Variants in CDH13 observed in about 807,000 individuals in gnomAD.
CDH13 encodes the protein cadherin 13.
In CDH13, 24 loss-of-function variants were observed where a neutral mutation model predicts 63.8. The ratio of observed to expected loss-of-function variants is 0.38; its 90% CI spans 0.27 to 0.53. The LOEUF (loss-of-function observed/expected upper bound fraction) is 0.53. CDH13 is among the 20% of genes least tolerant of loss of function. The pLI, the probability that CDH13 is intolerant of heterozygous loss-of-function variation, is 0.85. For missense variants in CDH13, 1,049 were observed against 903.1 expected (o/e 1.16, Z -2.07); for synonymous variants, 503 against 355.3 (o/e 1.42, Z -4.67).
chr16:82,733,947 T>C (rs1471305515), intron 1 of CDH13, among the ~76,000 whole-genome samples: 1 of 152,224 alleles, frequency 6.6e-6, no homozygotes. Flanking sequence ...TGATGGCACT[T>C]ACTTCTTAGG....
At position 83,041,284 on chromosome 16, in the gene CDH13, G is replaced by A. The variant is rs1917309693; in HGVS notation, c.366+9066G>A. 3.9e-5 allele frequency among the ~76,000 whole-genome samples: 6 copies of A among 151,968 alleles called. No individual in the cohort carries two copies. The South Asian group carries it at 1.2e-3, about 32-fold the overall frequency. On this transcript the variant is annotated intron_variant, in intron 3 of 13. Transcript: ENST00000567109. Reference sequence around the variant, plus strand: ...AAAAGTTATGACAGAAGCTGAAAAGGCTAAATTTAAGGCTCGTTTATCATG... The same window carrying A: ...AAAAGTTATGACAGAAGCTGAAAAGACTAAATTTAAGGCTCGTTTATCATG...
At chr16:82,679,597 A>G (rs902605601) in intron 1 of CDH13, among the ~76,000 whole-genome samples, 3 of 152,352 alleles carry the variant, frequency 2.0e-5, no homozygotes, top group Non-Finnish European at 2.9e-5. Flanking sequence ...ACGCTCCTGC[A>G]TCAGACTCCC....
intron 4 of CDH13, among the ~76,000 whole-genome samples, chr16:83,131,005 T>C (rs1031075225): frequency 6.6e-6 from 1 of 152,160 alleles, no homozygotes. Flanking sequence ...AGAGAAAGTG[T>C]CTTGACTGAT....
At chr16:83,507,243 T>A (rs1266177569) in intron 7 of CDH13, among the ~76,000 whole-genome samples, 2 of 152,214 alleles carry the variant, frequency 1.3e-5, no homozygotes, top group African/African-American at 2.4e-5. Flanking sequence ...AAGCAATATT[T>A]TTATTACAGT....
chr16:83,510,876 G>T (rs905026172), intron 7 of CDH13, among the ~76,000 whole-genome samples: 1 of 152,234 alleles, frequency 6.6e-6, no homozygotes, highest in Admixed American at 6.5e-5. Context: ...AGTAATGTAG[G>T]TCAGTGCATT....
intron 3 of CDH13, among the ~76,000 whole-genome samples, chr16:83,108,507 C>G (rs1051693986): frequency 2.0e-5 from 3 of 152,212 alleles, no homozygotes; most frequent in Non-Finnish European, 4.4e-5. Context: ...CAGGTTACCA[C>G]AGAAACAAGA....
chr16:83,253,790 C>T (rs952314412), intron 5 of CDH13, among the ~76,000 whole-genome samples: 1 of 152,190 alleles, frequency 6.6e-6, no homozygotes, highest in Non-Finnish European at 1.5e-5. Flanking sequence ...TCATTATGTA[C>T]ACACAGCTGC....
At chr16:83,556,894 G>C (rs892113630) in intron 7 of CDH13, among the ~76,000 whole-genome samples, 1 of 152,194 alleles carries the variant, frequency 6.6e-6, no homozygotes, top group African/African-American at 2.4e-5. Flanking sequence ...CTCCATCCCT[G>C]TGCCTCTGTC....
chr16:83,753,423 T>C (rs572988385), intron 11 of CDH13, among the ~76,000 whole-genome samples: 3 of 152,254 alleles, frequency 2.0e-5, no homozygotes, highest in Non-Finnish European at 4.4e-5. Context: ...ACATGACTTG[T>C]AGTCCCAGCT....
intron 10 of CDH13, among the ~76,000 whole-genome samples, chr16:83,693,278 G>C (rs1248233066): frequency 6.6e-6 from 1 of 152,164 alleles, no homozygotes; most frequent in Non-Finnish European, 1.5e-5. Context: ...TGGAGTCACT[G>C]TGATGGATAC....
intron 6 of CDH13, among the ~76,000 whole-genome samples, chr16:83,463,069 A>G (rs2325835): frequency 0.45 from 67,707 of 151,522 alleles, 15,391 homozygotes; most frequent in Middle Eastern, 0.52. Context: ...GGAGGAAAAT[A>G]TAACACTGCC....
chr16:82,998,695 G>T (rs905954888), intron 2 of CDH13, among the ~76,000 whole-genome samples: 1 of 152,080 alleles, frequency 6.6e-6, no homozygotes, highest in Non-Finnish European at 1.5e-5. Context: ...GTAGTTATCA[G>T]CAGTTATTCA....
intron 5 of CDH13, among the ~76,000 whole-genome samples, chr16:83,263,993 G>C (rs560294191): frequency 2.6e-5 from 4 of 152,242 alleles, no homozygotes; most frequent in African/African-American, 9.6e-5. Flanking sequence ...AAAGTTCCTA[G>C]ATAGATTCCA....
At chr16:83,184,231 C>G (rs1044751450) in intron 4 of CDH13, among the ~76,000 whole-genome samples, 2 of 151,972 alleles carry the variant, frequency 1.3e-5, no homozygotes, top group African/African-American at 4.8e-5. Context: ...CATCTAGAGG[C>G]TCATGAGGGC....
intron 8 of CDH13, among the ~76,000 whole-genome samples, chr16:83,644,579 C>G (rs1353233373): frequency 6.6e-6 from 1 of 152,204 alleles, no homozygotes; most frequent in Non-Finnish European, 1.5e-5. Context: ...ATTACCTTCA[C>G]TTTTGTCATC....
intron 1 of CDH13, among the ~76,000 whole-genome samples, chr16:82,646,490 G>A (rs1396738705): frequency 6.6e-6 from 1 of 152,132 alleles, no homozygotes; most frequent in African/African-American, 2.4e-5. Context: ...CACCGCGCCT[G>A]GCCTAAGCAC....
intron 1 of CDH13, among the ~76,000 whole-genome samples, chr16:82,816,080 T>G (rs2037692549): frequency 6.6e-6 from 1 of 152,054 alleles, no homozygotes; most frequent in Admixed American, 6.6e-5. Flanking sequence ...AAGCGAAGGG[T>G]GTACGGAGGA....
At chr16:82,727,775 T>C (rs919581590) in intron 1 of CDH13, 3 of 152,178 alleles carry the variant, frequency 2.0e-5, no homozygotes, top group Non-Finnish European at 4.4e-5. Flanking sequence ...GTTCTTCGTC[T>C]TGGAAGACAG....
At chr16:83,184,257 G>A (rs1339721926) in intron 4 of CDH13, among the ~76,000 whole-genome samples, 2 of 151,956 alleles carry the variant, frequency 1.3e-5, no homozygotes, top group South Asian at 2.1e-4. Context: ...TTTCTCTACG[G>A]TGCTTTTATT....
Sources: allele counts gnomAD v4.1 joint callset (sites outside exome capture counted in the v4.1 genomes callset), GRCh38; gene constraint gnomAD v4.1.1; transcripts MANE v1.5; gene names NCBI Gene and HGNC (gene_info 2026-07-23, HGNC 2026-07-21).